ITGA2: variants seen among roughly 807,000 people sequenced by gnomAD.
ITGA2 encodes integrin subunit alpha 2.
In ITGA2, 101 loss-of-function variants were observed where a neutral mutation model predicts 146.3. The observed-to-expected ratio is 0.69, with a 90% CI of 0.59 to 0.81. The LOEUF (loss-of-function observed/expected upper bound fraction) is 0.81, where lower values mean the gene tolerates loss of function less well. Ranked by LOEUF, ITGA2 falls within the 40% of genes least tolerant of loss-of-function variation. The pLI is 0.00. For missense variants in ITGA2, 1,281 were observed against 1,402.7 expected (o/e 0.91, Z 1.39); for synonymous variants, 477 against 487.1 (o/e 0.98, Z 0.27).
In ITGA2 at chr5:53,080,521, G is replaced by A. The variant is rs557866520; in HGVS notation, c.2939G>A (p.Gly980Glu). 10 of 1,613,012 alleles carry A rather than the reference G, an allele frequency of 6.2e-6. No homozygotes were observed. In the Admixed American group the frequency reaches 1.5e-4, roughly 24 times the overall value. Reference protein sequence around the residue: ...KFIFSLKVTTGSVPVSMATVI... With the variant: ...KFIFSLKVTTESVPVSMATVI... ...TTATTCTCTACATAGGTAACAACAG[G>A]AAGTGTTCCAGTAAGCATGGCAACT... The change falls in exon 25 of 30, where the codon GGA (glycine) becomes GAA (glutamate). Residue 980 changes from glycine to glutamate, a missense_variant. Gly to Glu is a moderately conservative substitution (Grantham distance 98, BLOSUM62 -2). This residue lies in a region of ITGA2 where 475 missense variants were observed against 530.5 expected (regional missense o/e 0.90). Coordinates refer to ENST00000296585, the MANE Select transcript of ITGA2 (RefSeq NM_002203.4).
chr5:53,031,814 C>T (rs1225989909), intron 2 of ITGA2, among the ~76,000 whole-genome samples: 1 of 152,140 alleles, frequency 6.6e-6, no homozygotes, highest in Non-Finnish European at 1.5e-5. Flanking sequence ...GGCGGAGGGC[C>T]ATCCCGCTTC....
intron 4 of ITGA2, among the ~76,000 whole-genome samples, chr5:53,045,834 A>G (rs1744054371): frequency 1.3e-5 from 2 of 152,180 alleles, no homozygotes; most frequent in African/African-American, 4.8e-5. Flanking sequence ...CAAAAACACA[A>G]TCTTATTTGA....
intron 2 of ITGA2, among the ~76,000 whole-genome samples, chr5:53,039,302 T>G (rs1743659395): frequency 7.1e-6 from 1 of 139,982 alleles, no homozygotes; most frequent in Non-Finnish European, 1.6e-5. Flanking sequence ...AGTAAGCTTT[T>G]GTTTGAGAAA....
At chr5:53,036,032 G>A (rs549620848) in intron 2 of ITGA2, among the ~76,000 whole-genome samples, 1 of 143,608 alleles carries the variant, frequency 7.0e-6, no homozygotes, top group East Asian at 2.0e-4. Flanking sequence ...CCTTTAGGCT[G>A]TCTTTGACTC....
Position 53,023,076 on chromosome 5 carries a change from G to T in ITGA2, c.65-3672G>T, listed in dbSNP as rs145699816. 1.2e-3 allele frequency among the ~76,000 whole-genome samples: 178 copies of T among 152,322 alleles called. 2 individuals carry two copies. The South Asian group carries it at 0.027, about 23-fold the overall frequency. On this transcript the variant is annotated intron_variant, in intron 1 of 29. Coordinates refer to ENST00000296585, the MANE Select transcript of ITGA2 (RefSeq NM_002203.4). ...TGACAAGGTCACCTTTGTTAAATAT[G>T]TTGAGTTTGCGATGCTATTATTGCC...
chr5:53,086,901 C>T (rs1451921129), intron 27 of ITGA2, 51 bp from the exon 28 acceptor site: 2 of 1,377,978 alleles, frequency 1.5e-6, no homozygotes, highest in Non-Finnish European at 2.1e-6. Context: ...GCCAGCTTCT[C>T]TGCATTTGCT....
chr5:53,042,182 G>A lies in ITGA2; in HGVS notation c.256G>A (p.Asp86Asn). The A allele has an allele frequency of 6.2e-7, 1 of 1,613,194 alleles. No individual in the cohort carries two copies. Among genetic ancestry groups the A allele is most frequent in the Non-Finnish European group, 8.5e-7 (1 of 1,179,262 alleles). ...GGGAGATGTGTATAAATGTCCTGTTGACCTATCCACTGCCACATGTGAAAA... is the reference window on the plus strand; with the variant it reads ...GGGAGATGTGTATAAATGTCCTGTTAACCTATCCACTGCCACATGTGAAAA... ...RMGDVYKCPV[D>N]LSTATCEKLN... is the part of the protein sequence containing the mutation. Residue 86 changes from aspartate (D) to asparagine (N), a missense_variant, in exon 3 of 30, where the codon GAC becomes AAC. Physicochemically the swap from Asp to Asn is conservative, Grantham distance 23 (BLOSUM62 1). This residue lies in a region of ITGA2 where 795 missense variants were observed against 841.7 expected (regional missense o/e 0.94). Coordinates refer to ENST00000296585, the MANE Select transcript of ITGA2 (RefSeq NM_002203.4).
chr5:53,076,233 C>G (rs1328853714), intron 23 of ITGA2, among the ~76,000 whole-genome samples: 1 of 151,942 alleles, frequency 6.6e-6, no homozygotes, highest in Non-Finnish European at 1.5e-5. Context: ...ATCAATGACC[C>G]CTGAATAGCA....
rs570331810 is a variant in ITGA2, at chr5:53,072,528, A to T, written c.2347-85A>T. On this transcript the variant is annotated intron_variant, in intron 18 of 29. Coordinates refer to ENST00000296585, the MANE Select transcript of ITGA2 (RefSeq NM_002203.4). Reference sequence around the variant, plus strand: ...ATTGTTTGGTTTTGTACTTTATGTAAATAGAATAATATTCTATGTATTCTT... The same window carrying T: ...ATTGTTTGGTTTTGTACTTTATGTATATAGAATAATATTCTATGTATTCTT... The T allele has an allele frequency of 2.1e-5, 18 of 852,558 alleles. No homozygotes were observed. In the East Asian group the frequency reaches 4.5e-4, roughly 21 times the overall value. The allele number at this position is 852,558 out of a possible 1,614,324, so 52.8% of individuals were successfully genotyped here. A position where few individuals can be genotyped will look rare whatever the true frequency, so the allele number is the denominator to read the frequency against.
chr5:53,014,787 G>T (rs1004669127), intron 1 of ITGA2, among the ~76,000 whole-genome samples: 1 of 151,910 alleles, frequency 6.6e-6, no homozygotes, highest in African/African-American at 2.4e-5. Flanking sequence ...TGCATTATTG[G>T]TTTATCCAGT....
intron 24 of ITGA2, 35 bp downstream of exon 24, chr5:53,078,909 G>A (rs1037045498): frequency 6.2e-6 from 7 of 1,126,422 alleles, no homozygotes; most frequent in Non-Finnish European, 6.8e-6. Flanking sequence ...GCAAATCCAG[G>A]AGAAAGTGAG....
At chr5:53,084,113 A>G (rs1746045120) in intron 27 of ITGA2, among the ~76,000 whole-genome samples, 1 of 152,186 alleles carries the variant, frequency 6.6e-6, no homozygotes. Context: ...ATTTGCTTTC[A>G]GCAGGGATTT....
chr5:53,040,251 A>G (rs1743722060), intron 2 of ITGA2, among the ~76,000 whole-genome samples: 1 of 152,184 alleles, frequency 6.6e-6, no homozygotes. Context: ...GAGAAGAAAG[A>G]GTCAGATTCT....
At chr5:53,085,436 G>A (rs1746114569) in intron 27 of ITGA2, among the ~76,000 whole-genome samples, 1 of 152,066 alleles carries the variant, frequency 6.6e-6, no homozygotes, top group Non-Finnish European at 1.5e-5. Context: ...CTGTGAGAAG[G>A]GCCTATTTTG....
At chr5:53,023,540 G>A (rs1033273891) in intron 1 of ITGA2, among the ~76,000 whole-genome samples, 1 of 152,128 alleles carries the variant, frequency 6.6e-6, no homozygotes, top group Non-Finnish European at 1.5e-5. Flanking sequence ...AATGCAAAGA[G>A]AACAGGGAGA....
At position 53,064,998 on chromosome 5, in the gene ITGA2, C is replaced by T. The variant is rs1745078284; in HGVS notation, c.1689C>T (p.Asp563=). Residue 563 remains aspartate (D), a synonymous_variant, in exon 14 of 30, where the codon GAC becomes GAT. Coordinates refer to ENST00000296585, the MANE Select transcript of ITGA2 (RefSeq NM_002203.4). ...GTTCAGCAATTGCAGCTCTTTCAGACATCAACATGGATGGCTTTAATGATG... is the reference window on the plus strand; with the variant it reads ...GTTCAGCAATTGCAGCTCTTTCAGATATCAACATGGATGGCTTTAATGATG... ...RFGSAIAALS[D]INMDGFNDVI... 6.2e-7 allele frequency: 1 copy of T among 1,612,820 alleles called. No homozygotes were observed. Among genetic ancestry groups the T allele is most frequent in the African/African-American group, 1.3e-5 (1 of 74,818 alleles).
rs201610232 is a variant in ITGA2, at chr5:53,062,932, A to T, written c.1602+3A>T. 2 of 405,614 alleles carry T rather than the reference A, an allele frequency of 4.9e-6. No individual in the cohort carries two copies. Among genetic ancestry groups the T allele is most frequent in the Non-Finnish European group, 7.1e-6 (2 of 280,318 alleles). The allele number at this position is 405,614 out of a possible 1,614,324, so 25.1% of individuals were successfully genotyped here. ...TCTACCTGTTTACTATCAAAGAGGT[A>T]AAAAAAAAAAAATAAACTAATAGTT... is the stretch of plus-strand genomic sequence containing the variant. On this transcript the variant is annotated splice_donor_region_variant and intron_variant, in intron 13 of 29. Transcript: ENST00000296585.
At chr5:53,050,883 A>G (rs1330108659) in intron 6 of ITGA2, among the ~76,000 whole-genome samples, 1 of 152,170 alleles carries the variant, frequency 6.6e-6, no homozygotes. Context: ...TAATAGAGGA[A>G]ATTCAGCACA....
intron 1 of ITGA2, among the ~76,000 whole-genome samples, chr5:53,015,272 T>A (rs1317525354): frequency 6.6e-6 from 1 of 152,196 alleles, no homozygotes; most frequent in Non-Finnish European, 1.5e-5. Context: ...TTTTGCTGTG[T>A]CCCAGAGATT....
Sources: gnomAD v4.1 joint callset for allele counts (sites outside exome capture counted in the v4.1 genomes callset) on GRCh38, gnomAD v4.1.1 for gene constraint, gnomAD v4.1.1 regional missense constraint, MANE v1.5 for transcripts, NCBI Gene and HGNC (gene_info 2026-07-23, HGNC 2026-07-21) for gene names.